JAK1: variants seen among roughly 807,000 people sequenced by gnomAD.
The protein encoded by JAK1 is Janus kinase 1, also known as tyrosine-protein kinase JAK1.
A neutral mutation model predicts 136.6 loss-of-function variants in JAK1; 16 were observed. The observed-to-expected ratio is 0.12, with a 90% CI of 0.08 to 0.18. The LOEUF is 0.18. JAK1 is among the 10% of genes least tolerant of loss of function. JAK1 has a pLI of 1.00. For synonymous variants in JAK1, 492 were observed against 519.5 expected, an observed-to-expected ratio of 0.95 and a Z score of 0.72; for missense variants, 859 against 1,450.1, an observed-to-expected ratio of 0.59 and a Z score of 6.62.
In JAK1 at chr1:64,855,657, G is replaced by A. The variant is rs1481776677; in HGVS notation, c.1500C>T (p.Ile500=). Residue 500 remains isoleucine, a synonymous_variant, in exon 11 of 25, where the codon ATC becomes ATT. Coordinates refer to ENST00000342505, the MANE Select transcript of JAK1 (RefSeq NM_002227.4). ...GACTGTAGCGGCCCTTCTGCACCTC[G>A]ATCTGAAAGTTCTTGAACTGCTTCT... ...GAQKQFKNFQ[I]EVQKGRYSLH... The A allele has an allele frequency of 6.8e-6, 11 of 1,613,884 alleles. No homozygotes were observed. In the Admixed American group the frequency reaches 8.3e-5, roughly 12 times the overall value.
At position 64,936,311 on chromosome 1, in the gene JAK1, A is replaced by G. The variant is rs150288994; in HGVS notation, c.-78+30022T>C. 4.6e-5 allele frequency among the ~76,000 whole-genome samples: 7 copies of G among 151,984 alleles called. No homozygotes were observed. The East Asian group carries it at 1.4e-3, about 29-fold the overall frequency. On this transcript the variant is annotated intron_variant, in intron 1 of 24. Coordinates refer to ENST00000342505, the MANE Select transcript of JAK1 (RefSeq NM_002227.4). ...AAATAAGCCTCTACATTTACCCTCA[A>G]CTCCACAGGCCCATGGATGGACTCT...
At chr1:64,910,779 G>T (rs1312730045) in intron 1 of JAK1, among the ~76,000 whole-genome samples, 1 of 149,860 alleles carries the variant, frequency 6.7e-6, no homozygotes, top group Non-Finnish European at 1.5e-5. Context: ...GGGAGGCAGA[G>T]GTTGCACTGA....
intron 1 of JAK1, among the ~76,000 whole-genome samples, chr1:65,062,924 A>G (rs191269987): frequency 6.6e-6 from 1 of 152,332 alleles, no homozygotes; most frequent in East Asian, 1.9e-4. Context: ...CTCTGTCTAT[A>G]TGGTCTTAGG....
intron 2 of JAK1, among the ~76,000 whole-genome samples, chr1:64,983,018 G>C (rs2100701034): frequency 6.6e-6 from 1 of 152,232 alleles, no homozygotes; most frequent in South Asian, 2.1e-4. Context: ...TCAACAACCA[G>C]AGGGAACAGT....
rs991924419 is a variant in JAK1, at chr1:64,883,131, G to C, written c.205+146C>G. 19 of 586,732 alleles carry C rather than the reference G, an allele frequency of 3.2e-5. No homozygotes were observed. In the African/African-American group the frequency reaches 3.4e-4, roughly 10 times the overall value. The allele number at this position is 586,732 out of a possible 1,614,324, so 36.3% of individuals were successfully genotyped here. A position where few individuals can be genotyped will look rare whatever the true frequency, so the allele number is the denominator to read the frequency against. Reference sequence around the variant, plus strand: ...ATCACTGGCCTAAGGTCACGTGCAAGTGGCAGTGGCAGAGGCAGGGAGGAA... The same window carrying C: ...ATCACTGGCCTAAGGTCACGTGCAACTGGCAGTGGCAGAGGCAGGGAGGAA... On this transcript the variant is annotated intron_variant, in intron 3 of 24. Coordinates refer to ENST00000342505, the MANE Select transcript of JAK1 (RefSeq NM_002227.4).
intron 2 of JAK1, among the ~76,000 whole-genome samples, chr1:65,030,536 A>AT (rs34009188): frequency 0.16 from 23,673 of 145,904 alleles, 2,576 homozygotes; most frequent in East Asian, 0.39. Context: ...CCTCCTGACA[A>AT]TTTTTTTTTT....
At chr1:64,882,698 G>A (rs190866451) in intron 3 of JAK1, among the ~76,000 whole-genome samples, 1 of 152,034 alleles carries the variant, frequency 6.6e-6, no homozygotes, top group Non-Finnish European at 1.5e-5. Flanking sequence ...CACTTGAAAG[G>A]AGAAAAAAAA....
chr1:64,841,504 T>G lies in JAK1; in HGVS notation c.2501A>C (p.Gln834Pro). Reference protein sequence around the residue: ...MTRCMNYDPNQRPFFRAIMRD... With the variant: ...MTRCMNYDPNPRPFFRAIMRD... ...CATGATGGCTCGGAAGAAAGGCCTC[T>G]GATTGGGGTCATAGTTCATGCAGCG... Residue 834 changes from glutamine to proline, a missense_variant, in exon 18 of 25, where the codon CAG becomes CCG. This residue lies in a region of JAK1 where 409 missense variants were observed against 753.8 expected (regional missense o/e 0.54). Transcript: ENST00000342505. The G allele has an allele frequency of 6.2e-7, 1 of 1,614,192 alleles. No homozygotes were observed. The highest frequency in any genetic ancestry group is 8.5e-7 in the Non-Finnish European group (1 of 1,180,034).
intron 2 of JAK1, among the ~76,000 whole-genome samples, chr1:65,006,379 A>G (rs926614241): frequency 4.6e-5 from 7 of 152,068 alleles, no homozygotes; most frequent in Non-Finnish European, 1.0e-4. Flanking sequence ...TTTTTTAAAG[A>G]TGTGGTCTTA....
chr1:65,058,305 C>A (rs1647638940), intron 1 of JAK1: 1 of 467,652 alleles, frequency 2.1e-6, no homozygotes, highest in South Asian at 1.6e-5. Flanking sequence ...TCTCCCTATG[C>A]CCCGGGAGAA....
intron 8 of JAK1, 22 bp downstream of exon 8, chr1:64,864,763 TAA>T (rs1557645712): frequency 6.3e-7 from 1 of 1,580,388 alleles, no homozygotes; most frequent in Non-Finnish European, 8.7e-7. Context: ...GATCCAGACT[TAA>T]GAGCTTCTGG....
intron 1 of JAK1, among the ~76,000 whole-genome samples, chr1:65,055,598 G>GT (rs1232138595): frequency 6.6e-6 from 1 of 152,182 alleles, no homozygotes; most frequent in South Asian, 2.1e-4. Context: ...ACTGAAAAAT[G>GT]TAACGAATAT....
intron 2 of JAK1, among the ~76,000 whole-genome samples, chr1:65,027,219 C>T (rs1646985956): frequency 6.6e-6 from 1 of 151,506 alleles, no homozygotes; most frequent in South Asian, 2.1e-4. Context: ...GCTAATTTAC[C>T]ACACCTGGCT....
At chr1:64,927,358 T>C (rs1234459150) in intron 1 of JAK1, among the ~76,000 whole-genome samples, 1 of 152,254 alleles carries the variant, frequency 6.6e-6, no homozygotes, top group Non-Finnish European at 1.5e-5. Flanking sequence ...GGGAAAGAAC[T>C]GCGTCTGTCT....
At chr1:64,848,050 C>G (rs1655352409) in intron 12 of JAK1, 1 of 189,620 alleles carries the variant, frequency 5.3e-6, no homozygotes, top group African/African-American at 2.3e-5. Context: ...GAGGAGCCCC[C>G]AGGCAGCTCC....
intron 1 of JAK1, among the ~76,000 whole-genome samples, chr1:64,950,304 A>G (rs921304520): frequency 6.6e-6 from 1 of 151,972 alleles, no homozygotes; most frequent in African/African-American, 2.4e-5. Context: ...GCTACTCTGG[A>G]GGCTGAGGCA....
At chr1:64,950,269 G>A (rs1430910325) in intron 1 of JAK1, among the ~76,000 whole-genome samples, 2 of 151,988 alleles carry the variant, frequency 1.3e-5, no homozygotes, top group African/African-American at 2.4e-5. Flanking sequence ...TTAGCCTGGC[G>A]TGGTGGCGGG....
chr1:64,967,750 G>A (rs1646410298), upstream of JAK1, among the ~76,000 whole-genome samples: 2 of 152,174 alleles, frequency 1.3e-5, no homozygotes, highest in African/African-American at 4.8e-5. Context: ...ATTCTTAGTT[G>A]ACTCAATTCT....
intron 2 of JAK1, among the ~76,000 whole-genome samples, chr1:65,005,674 G>A (rs1460689729): frequency 6.6e-6 from 1 of 152,090 alleles, no homozygotes; most frequent in Non-Finnish European, 1.5e-5. Context: ...TATGTACTAT[G>A]TCAACTAGAA....
Sources: gnomAD v4.1 joint callset for allele counts (sites outside exome capture counted in the v4.1 genomes callset) on GRCh38, gnomAD v4.1.1 for gene constraint, gnomAD v4.1.1 regional missense constraint, MANE v1.5 for transcripts, NCBI Gene and HGNC (gene_info 2026-07-23, HGNC 2026-07-21) for gene names.